The following MTMR9 variants were observed in gnomAD, a reference collection of about 807,000 sequenced individuals.
MTMR9 encodes myotubularin related protein 9, also known as myotubularin-related protein 9.
MTMR9 carries 39 observed loss-of-function variants against 69.5 expected under a neutral mutation model. That is an observed-to-expected ratio of 0.56 (90% CI 0.43 to 0.73). The LOEUF (loss-of-function observed/expected upper bound fraction) is 0.73. Among genes scored for constraint, MTMR9 ranks in the 30% least tolerant of loss-of-function variants. MTMR9 has a pLI of 0.00. For synonymous variants in MTMR9, 354 were observed against 240.8 expected, an observed-to-expected ratio of 1.47 and a Z score of -4.35; for missense variants, 900 against 671.2, an observed-to-expected ratio of 1.34 and a Z score of -3.77.
At chr8:11,292,414 C>G (rs1250702682) in intron 1 of MTMR9, among the ~76,000 whole-genome samples, 7 of 152,194 alleles carry the variant, frequency 4.6e-5, no homozygotes, top group Non-Finnish European at 7.3e-5. Context: ...GCTGCCCCAA[C>G]TGTTTTCCAA....
chr8:11,315,915 T>C (rs990011965), intron 7 of MTMR9: 1 of 152,270 alleles, frequency 6.6e-6, no homozygotes, highest in Non-Finnish European at 1.5e-5. Context: ...GTAAAATTTC[T>C]ATGTCATTAC....
At chr8:11,318,385 A>G (rs1489748201) in intron 8 of MTMR9, 1 of 152,260 alleles carries the variant, frequency 6.6e-6, no homozygotes, top group Non-Finnish European at 1.5e-5. Flanking sequence ...ATGCTATCCC[A>G]GCAGTTAAAG....
rs939231928 is a variant in MTMR9 at position 11,325,346 on chromosome 8, A to T, written c.*2558A>T. 1 of 152,186 alleles carries T rather than the reference A, an allele frequency of 6.6e-6. No individual in the cohort carries two copies. Among genetic ancestry groups the T allele is most frequent in the East Asian group, 1.9e-4 (1 of 5,196 alleles). The allele number at this position is 152,186 out of a possible 1,614,324, so 9.4% of individuals were successfully genotyped here. A position where few individuals can be genotyped will look rare whatever the true frequency, so the allele number is the denominator to read the frequency against. ...TGAGAAGAATAAATGACACGGATAC[A>T]CTCCTGAGAAGACACTCGTTAAACA... On this transcript the variant is annotated 3_prime_UTR_variant, in exon 10 of 10. Coordinates refer to ENST00000221086, the MANE Select transcript of MTMR9 (RefSeq NM_015458.4).
At chr8:11,330,348 C>T (rs1197909731), downstream of MTMR9, among the ~76,000 whole-genome samples, 1 of 151,788 alleles carries the variant, frequency 6.6e-6, no homozygotes, top group Non-Finnish European at 1.5e-5. Context: ...GTGGGGGGCG[C>T]CTCTGCCCGG....
downstream of MTMR9, chr8:11,331,918 G>C: frequency 6.2e-7 from 1 of 1,612,040 alleles, no homozygotes; most frequent in South Asian, 1.1e-5. Flanking sequence ...ACATGTGTGG[G>C]CTATGCGGTC....
At chr8:11,297,193 T>C (rs1799591525) in intron 2 of MTMR9, among the ~76,000 whole-genome samples, 2 of 152,180 alleles carry the variant, frequency 1.3e-5, no homozygotes, top group African/African-American at 2.4e-5. Context: ...GTAGAAAGTC[T>C]TAAAAATCTA....
At chr8:11,297,679 G>A (rs1007330192) in intron 2 of MTMR9, among the ~76,000 whole-genome samples, 1 of 152,146 alleles carries the variant, frequency 6.6e-6, no homozygotes, top group Non-Finnish European at 1.5e-5. Flanking sequence ...AGGAAAAGGG[G>A]AAGTGTGCTA....
intron 9 of MTMR9, 70 bp downstream of exon 9, chr8:11,319,908 G>T: frequency 6.6e-7 from 1 of 1,504,620 alleles, no homozygotes; most frequent in East Asian, 2.3e-5. Context: ...AGTGTGTGCT[G>T]TTGGTGATGT....
chr8:11,295,018 A>C (rs955115126), intron 1 of MTMR9, 176 bp from the exon 2 acceptor site: 33 of 438,070 alleles, frequency 7.5e-5, no homozygotes, highest in Non-Finnish European at 1.1e-4. Flanking sequence ...CATATATTGT[A>C]AGTAATGTAT....
chr8:11,290,749 T>G (rs1799352962), intron 1 of MTMR9, among the ~76,000 whole-genome samples: 1 of 152,136 alleles, frequency 6.6e-6, no homozygotes, highest in Admixed American at 6.5e-5. Flanking sequence ...TTCTGAGCTC[T>G]CTGTCATAAT....
At chr8:11,332,221 A>G, downstream of MTMR9, 1 of 1,483,660 alleles carries the variant, frequency 6.7e-7, no homozygotes, top group Non-Finnish European at 9.0e-7. Context: ...TAATTATAAT[A>G]AATCCTAGGA....
chr8:11,321,261 G>C (rs1399304011), intron 9 of MTMR9: 1 of 365,836 alleles, frequency 2.7e-6, no homozygotes, highest in South Asian at 2.1e-5. Flanking sequence ...TGAAGGGATG[G>C]TGACTGCTCA....
intron 6 of MTMR9, among the ~76,000 whole-genome samples, chr8:11,313,690 G>T (rs1315896925): frequency 1.3e-5 from 2 of 152,206 alleles, no homozygotes; most frequent in African/African-American, 2.4e-5. Context: ...CAGCTGGTTA[G>T]TGGAGCAGTG....
At chr8:11,331,241 G>C, downstream of MTMR9, 1 of 1,613,846 alleles carries the variant, frequency 6.2e-7, no homozygotes, top group Non-Finnish European at 8.5e-7. Context: ...TGGCCCTGCT[G>C]GGTGGGGGCC....
chr8:11,332,101 G>A (rs1381221104), downstream of MTMR9: 2 of 1,611,784 alleles, frequency 1.2e-6, no homozygotes, highest in Non-Finnish European at 1.7e-6. Context: ...AGCTGTGAGA[G>A]GACAGGGAAG....
rs749737827 is a variant in MTMR9, at chr8:11,319,848, G to A, written c.1486+10G>A. ...CTTCCACTGTGGGAAGGTAAACCAC[G>A]CATCCTTTGCAAACTTCTTAACGGT... On this transcript the variant is annotated intron_variant, in intron 9 of 9. Transcript: ENST00000221086. 1.5e-5 allele frequency: 24 copies of A among 1,613,412 alleles called. No individual in the cohort carries two copies. Among genetic ancestry groups the A allele is most frequent in the Admixed American group, 1.2e-4 (7 of 59,902 alleles).
downstream of MTMR9, chr8:11,331,051 G>C: frequency 6.5e-7 from 1 of 1,543,940 alleles, no homozygotes; most frequent in Non-Finnish European, 8.7e-7. Context: ...AATGGCTGGA[G>C]CTCTGAGGGG....
At chr8:11,321,610 G>T (rs1297111857) in intron 9 of MTMR9, 4 of 414,092 alleles carry the variant, frequency 9.7e-6, no homozygotes, top group African/African-American at 8.2e-5. Flanking sequence ...GCTGGGAGAA[G>T]AAGAAGCTCT....
intron 7 of MTMR9, 154 bp from the exon 8 acceptor site, chr8:11,316,519 C>A: frequency 2.2e-6 from 1 of 460,228 alleles, no homozygotes. Flanking sequence ...TTATTTTATA[C>A]CAAGAAATCA....
Sources: gnomAD v4.1 joint callset for allele counts (sites outside exome capture counted in the v4.1 genomes callset) on GRCh38, gnomAD v4.1.1 for gene constraint, MANE v1.5 for transcripts, NCBI Gene and HGNC (gene_info 2026-07-23, HGNC 2026-07-21) for gene names.